SEMA3D: variants seen among roughly 807,000 people sequenced by gnomAD.
SEMA3D encodes semaphorin-3D.
SEMA3D carries 84 observed loss-of-function variants against 100.1 expected under a neutral mutation model. That is an observed-to-expected ratio of 0.84 (90% CI 0.70 to 1.01). SEMA3D has a LOEUF of 1.01. SEMA3D is among the 50% of genes least tolerant of loss of function. The pLI is 0.00. For synonymous variants in SEMA3D, 312 were observed against 320.7 expected, an observed-to-expected ratio of 0.97 and a Z score of 0.29; for missense variants, 875 against 934.1, an observed-to-expected ratio of 0.94 and a Z score of 0.82.
chr7:85,130,112 G>A (rs891401864), intron 2 of SEMA3D, among the ~76,000 whole-genome samples: 4 of 152,018 alleles, frequency 2.6e-5, no homozygotes, highest in African/African-American at 9.7e-5. Flanking sequence ...TAAGCATAAC[G>A]CTATCTGGGA....
chr7:85,180,362 G>A (rs1447287630), intron 1 of SEMA3D, among the ~76,000 whole-genome samples: 1 of 152,128 alleles, frequency 6.6e-6, no homozygotes. Context: ...GGCCTCCCCA[G>A]CCATGTGGAA....
At chr7:85,002,511 TGTA>T (rs1240301208) in intron 18 of SEMA3D, among the ~76,000 whole-genome samples, 2 of 152,170 alleles carry the variant, frequency 1.3e-5, no homozygotes, top group African/African-American at 4.8e-5. Flanking sequence ...TCTCTTTCTC[TGTA>T]ATGCTTTCAT....
At chr7:85,118,013 T>C (rs1049939505) in intron 3 of SEMA3D, among the ~76,000 whole-genome samples, 2 of 151,886 alleles carry the variant, frequency 1.3e-5, no homozygotes, top group Non-Finnish European at 2.9e-5. Context: ...TTTCTAGATA[T>C]GGCTCCAGTT....
At chr7:85,122,485 T>C (rs1789456877) in intron 2 of SEMA3D, among the ~76,000 whole-genome samples, 1 of 152,182 alleles carries the variant, frequency 6.6e-6, no homozygotes, top group Non-Finnish European at 1.5e-5. Flanking sequence ...TTTTGTGTTT[T>C]GTTTAAGCAA....
intron 12 of SEMA3D, among the ~76,000 whole-genome samples, chr7:85,025,585 G>A (rs369855989): frequency 4.6e-4 from 70 of 152,068 alleles, no homozygotes; most frequent in Middle Eastern, 6.8e-3. Context: ...TTTTCTCCCC[G>A]CAGCTTCAGG....
intron 17 of SEMA3D, among the ~76,000 whole-genome samples, chr7:85,007,222 T>C (rs1789823637): frequency 6.6e-6 from 1 of 151,946 alleles, no homozygotes; most frequent in South Asian, 2.1e-4. Flanking sequence ...CTCTATATAT[T>C]GAGATTTTTT....
chr7:85,207,155 C>A, the SEMA3D span, among the ~76,000 whole-genome samples: 1 of 151,886 alleles, frequency 6.6e-6, no homozygotes, highest in Admixed American at 6.6e-5. Context: ...TTTTTTACAT[C>A]CTTTATTTGT....
chr7:85,145,772 A>G (rs1790186925), intron 2 of SEMA3D, among the ~76,000 whole-genome samples: 1 of 152,176 alleles, frequency 6.6e-6, no homozygotes. Context: ...TGGGATATTG[A>G]TTCCAAGATC....
intron 2 of SEMA3D, chr7:85,141,351 C>T (rs1256133098): frequency 1.0e-6 from 1 of 984,380 alleles, no homozygotes; most frequent in Admixed American, 6.2e-5. Flanking sequence ...TGTCAACTAA[C>T]TGCACAGTAT....
intron 3 of SEMA3D, 63 bp downstream of exon 3, chr7:85,121,678 T>C (rs531409619): frequency 4.4e-6 from 4 of 909,394 alleles, no homozygotes; most frequent in African/African-American, 1.8e-5. Flanking sequence ...AGAAAAAATA[T>C]AGCAATCAAA....
chr7:85,141,494 C>T, intron 2 of SEMA3D: 4 of 984,948 alleles, frequency 4.1e-6, no homozygotes, highest in South Asian at 4.7e-5. Context: ...GATGCATGTC[C>T]TCCCTAGCAC....
intron 18 of SEMA3D, among the ~76,000 whole-genome samples, chr7:85,002,569 T>A (rs572314021): frequency 1.3e-5 from 2 of 152,268 alleles, no homozygotes; most frequent in African/African-American, 4.8e-5. Context: ...ATCTCAACAG[T>A]GAAATGTCAG....
At chr7:85,189,492 A>G (rs1791646905), upstream of SEMA3D, among the ~76,000 whole-genome samples, 1 of 152,188 alleles carries the variant, frequency 6.6e-6, no homozygotes, top group African/African-American at 2.4e-5. Flanking sequence ...ATATTTTACA[A>G]AAAGTTTTGC....
At chr7:85,029,933 T>C (rs916273696) in intron 12 of SEMA3D, among the ~76,000 whole-genome samples, 1 of 151,746 alleles carries the variant, frequency 6.6e-6, no homozygotes, top group Non-Finnish European at 1.5e-5. Context: ...AAAGTTGGTA[T>C]CAAAAAAAGA....
chr7:85,065,226 C>T (rs1161722950), intron 8 of SEMA3D, among the ~76,000 whole-genome samples, 198 bp downstream of exon 8: 1 of 152,038 alleles, frequency 6.6e-6, no homozygotes, highest in African/African-American at 2.4e-5. Context: ...GAATAGCAGA[C>T]ACTCAATAAA....
chr7:85,060,502 T>C (rs550347197), intron 8 of SEMA3D, among the ~76,000 whole-genome samples: 4 of 152,284 alleles, frequency 2.6e-5, no homozygotes, highest in African/African-American at 9.6e-5. Context: ...ACCTGGGCTT[T>C]ATTATAGCAC....
chr7:85,247,879 T>G, the SEMA3D span, among the ~76,000 whole-genome samples: 1 of 152,072 alleles, frequency 6.6e-6, no homozygotes, highest in Non-Finnish European at 1.5e-5. Flanking sequence ...GACCTTACCA[T>G]GCAAATTACC....
At chr7:85,153,534 C>CATCTATCTATCT (rs76152317) in intron 2 of SEMA3D, 74 bp downstream of exon 2, 72 of 148,986 alleles carry the variant, frequency 4.8e-4, no homozygotes, top group South Asian at 8.6e-4. Flanking sequence ...AGGAGAAATG[C>CATCTATCTATCT]ATCTATCTAT....
chr7:85,174,049 G>A (rs1360167167), intron 1 of SEMA3D, among the ~76,000 whole-genome samples: 1 of 152,088 alleles, frequency 6.6e-6, no homozygotes, highest in Non-Finnish European at 1.5e-5. Context: ...TGAAATAGCT[G>A]GGACCCAAGA....
Sources: gnomAD v4.1 joint callset for allele counts (sites outside exome capture counted in the v4.1 genomes callset) on GRCh38, gnomAD v4.1.1 for gene constraint, MANE v1.5 for transcripts, NCBI Gene and HGNC (gene_info 2026-07-23, HGNC 2026-07-21) for gene names.